The following INPP5D variants were observed in gnomAD, a reference collection of about 807,000 sequenced individuals.
The protein encoded by INPP5D is phosphatidylinositol 3,4,5-trisphosphate 5-phosphatase 1.
In INPP5D, 33 loss-of-function variants were observed where a neutral mutation model predicts 122.9. The ratio of observed to expected loss-of-function variants is 0.27; its 90% CI spans 0.20 to 0.36. INPP5D has a LOEUF of 0.36. Among genes scored for constraint, INPP5D ranks in the 10% least tolerant of loss-of-function variants. The pLI is 1.00. For missense variants in INPP5D, 1,053 were observed against 1,412.7 expected, an observed-to-expected ratio of 0.75 and a Z score of 4.08; for synonymous variants, 584 against 576.2, an observed-to-expected ratio of 1.01 and a Z score of -0.19.
intron 5 of INPP5D, among the ~76,000 whole-genome samples, chr2:233,133,020 T>C (rs555076464): frequency 1.3e-5 from 2 of 151,882 alleles, no homozygotes; most frequent in Non-Finnish European, 1.5e-5. Flanking sequence ...CCCCTATCCT[T>C]GAGTCCCCCC....
At chr2:233,174,791 C>CAA (rs34082998) in intron 17 of INPP5D, among the ~76,000 whole-genome samples, 27 of 96,854 alleles carry the variant, frequency 2.8e-4, no homozygotes, top group African/African-American at 1.0e-3. Context: ...GACCCTGTCT[C>CAA]AAAAAAAAAA....
chr2:233,141,990 G>A (rs959567939), intron 6 of INPP5D, among the ~76,000 whole-genome samples: 4 of 152,250 alleles, frequency 2.6e-5, no homozygotes, highest in Non-Finnish European at 5.9e-5. Flanking sequence ...TTCTAAGAAA[G>A]TAAAAGCAAA....
chr2:233,100,944 G>C lies in INPP5D; in HGVS notation c.199-21163G>C, dbSNP rs1008703880. Among the ~76,000 whole-genome samples, 3 of 152,164 alleles carry C rather than the reference G, an allele frequency of 2.0e-5. No homozygotes were observed. Among genetic ancestry groups the C allele is most frequent in the African/African-American group, 7.2e-5 (3 of 41,436 alleles). ...TGGTCTGGCCCTTTGCCATCTTTCA[G>C]TGTTCCTCACTGAACGGTAATCCCC... On this transcript the variant is annotated intron_variant, in intron 2 of 26. Transcript: ENST00000445964. This position sits in a 1 kb window ranked among gnomAD's most constrained non-coding sequence, Gnocchi z 5.3.
At chr2:233,153,002 C>A (rs908964495) in intron 9 of INPP5D, among the ~76,000 whole-genome samples, 1 of 152,156 alleles carries the variant, frequency 6.6e-6, no homozygotes, top group Non-Finnish European at 1.5e-5. Context: ...GAGGCGGTGG[C>A]AGCTGGAGAT....
chr2:233,195,076 A>G (rs1174829596), intron 23 of INPP5D, among the ~76,000 whole-genome samples: 1 of 152,180 alleles, frequency 6.6e-6, no homozygotes, highest in Non-Finnish European at 1.5e-5. Flanking sequence ...GGTTACAGGC[A>G]TGAGCCACCA....
At chr2:233,116,234 T>TAGAC in intron 2 of INPP5D, among the ~76,000 whole-genome samples, 1 of 119,600 alleles carries the variant, frequency 8.4e-6, no homozygotes, top group South Asian at 2.6e-4. Context: ...TGTAGATAGA[T>TAGAC]AGATAGATAG....
chr2:233,070,479 C>T (rs1416548561), intron 1 of INPP5D, among the ~76,000 whole-genome samples: 4 of 150,606 alleles, frequency 2.7e-5, no homozygotes, highest in African/African-American at 7.3e-5. Context: ...CTCTGTCTGT[C>T]ACCCAGGCTG....
intron 9 of INPP5D, among the ~76,000 whole-genome samples, chr2:233,150,769 G>T (rs1335326132): frequency 6.6e-6 from 1 of 152,216 alleles, no homozygotes; most frequent in African/African-American, 2.4e-5. Context: ...ATTAGAATGT[G>T]CTCCAGAGGG....
At position 233,110,262 on chromosome 2, in the gene INPP5D, C is replaced by T. The variant is rs577115675; in HGVS notation, c.199-11845C>T. ...TAGAGACAGGTTTTCAGCATGTTGA[C>T]CAGGCTGGTCTTGAACTCCTGGCCT... On this transcript the variant is annotated intron_variant, in intron 2 of 26. Coordinates refer to ENST00000445964, the MANE Select transcript of INPP5D (RefSeq NM_001017915.3). Among the ~76,000 whole-genome samples the T allele has an allele frequency of 5.9e-5, 9 of 152,214 alleles. No homozygotes were observed. In the East Asian group the frequency reaches 1.5e-3, roughly 26 times the overall value.
At chr2:233,096,597 A>C (rs935951635) in intron 2 of INPP5D, among the ~76,000 whole-genome samples, 1 of 152,018 alleles carries the variant, frequency 6.6e-6, no homozygotes, top group Non-Finnish European at 1.5e-5. Flanking sequence ...GGTTGCAGCG[A>C]GCCGAGATCA....
chr2:233,075,327 C>G (rs1440184829), intron 1 of INPP5D, among the ~76,000 whole-genome samples: 1 of 152,156 alleles, frequency 6.6e-6, no homozygotes, highest in Admixed American at 6.5e-5. Context: ...CAGCTGAGAG[C>G]CAGTGTTAGC....
chr2:233,124,857 G>A (rs1218570755), intron 3 of INPP5D, among the ~76,000 whole-genome samples: 2 of 152,250 alleles, frequency 1.3e-5, no homozygotes, highest in Non-Finnish European at 2.9e-5. Flanking sequence ...CCAGAGCAAT[G>A]CGACATGAGG....
At chr2:233,203,597 G>A (rs563563416) in intron 25 of INPP5D, among the ~76,000 whole-genome samples, 1 of 152,262 alleles carries the variant, frequency 6.6e-6, no homozygotes, top group Non-Finnish European at 1.5e-5. Flanking sequence ...ATTTCAAAAT[G>A]AACAGTTTGC....
rs147479628 is a variant in INPP5D, at chr2:233,188,150, G to A, written c.2359-1700G>A. On this transcript the variant is annotated intron_variant, in intron 21 of 26. Transcript: ENST00000445964. This position sits in a 1 kb window ranked among gnomAD's most constrained non-coding sequence, Gnocchi z 4.7. ...GATCCTGGAGTCCCCCTCTTTATCCGGTCGACTCCCTGTTGCCTAGTGAGG... is the reference window on the plus strand; with the variant it reads ...GATCCTGGAGTCCCCCTCTTTATCCAGTCGACTCCCTGTTGCCTAGTGAGG... Among the ~76,000 whole-genome samples, 481 of 151,890 alleles carry A rather than the reference G, an allele frequency of 3.2e-3. 4 individuals are homozygous for A. The highest frequency in any genetic ancestry group is 9.7e-3 in the African/African-American group (403 of 41,384).
chr2:233,163,268 C>T (rs933033305), intron 11 of INPP5D, among the ~76,000 whole-genome samples: 5 of 152,176 alleles, frequency 3.3e-5, no homozygotes, highest in African/African-American at 9.7e-5. Context: ...GGCATCCCTC[C>T]GCTCTGGGCT....
In INPP5D at chr2:233,137,897, TACACAC is replaced by T. The variant is rs796742030; in HGVS notation, c.666-1933_666-1928del. On this transcript the variant is annotated intron_variant, in intron 5 of 26. Coordinates refer to ENST00000445964, the MANE Select transcript of INPP5D (RefSeq NM_001017915.3). The stretch of plus-strand genomic sequence containing the variant: ...ATATATATATATATATATATATATA[TACACAC>T]ACACACACACATACACATAATATGT... 4.5e-5 allele frequency among the ~76,000 whole-genome samples: 2 copies of T among 44,528 alleles called. 1 individual carries two copies. The highest frequency in any genetic ancestry group is 6.5e-4 in the Admixed American group (2 of 3,078). 29.2% of individuals were successfully genotyped at this position (44,528 alleles called of 152,430 possible). A position where few individuals can be genotyped will look rare whatever the true frequency, so the allele number is the denominator to read the frequency against.
intron 2 of INPP5D, among the ~76,000 whole-genome samples, chr2:233,084,015 T>C (rs1691761573): frequency 1.3e-5 from 2 of 152,314 alleles, no homozygotes; most frequent in South Asian, 4.1e-4. Flanking sequence ...ATATTGATTG[T>C]TTCAGTCAAG....
At chr2:233,130,293 C>T (rs532457525) in intron 4 of INPP5D, among the ~76,000 whole-genome samples, 19 of 152,282 alleles carry the variant, frequency 1.2e-4, no homozygotes, top group African/African-American at 4.6e-4. Flanking sequence ...GCACCTTTTC[C>T]TGCTGGGCCA....
chr2:233,104,197 G>C (rs956049264), intron 2 of INPP5D, among the ~76,000 whole-genome samples: 1 of 151,652 alleles, frequency 6.6e-6, no homozygotes, highest in Non-Finnish European at 1.5e-5. Context: ...TTTTAGTAGA[G>C]ATGGGATTTC....
Sources: allele counts gnomAD v4.1 joint callset (sites outside exome capture counted in the v4.1 genomes callset), GRCh38; gene constraint gnomAD v4.1.1; non-coding constraint Gnocchi (gnomAD v3.1); transcripts MANE v1.5; gene names NCBI Gene and HGNC (gene_info 2026-07-23, HGNC 2026-07-21).